The following ZNF804B variants were observed in gnomAD, a reference collection of about 807,000 sequenced individuals.
ZNF804B encodes zinc finger 804B.
In ZNF804B, 80 loss-of-function variants were observed where a neutral mutation model predicts 101.4. The ratio of observed to expected loss-of-function variants is 0.79; its 90% CI spans 0.66 to 0.95. The LOEUF is 0.95. Among genes scored for constraint, ZNF804B ranks in the 40% least tolerant of loss-of-function variants. ZNF804B has a pLI of 0.00. For synonymous variants in ZNF804B, 622 were observed against 558.8 expected (o/e 1.11, Z -1.59); for missense variants, 1,673 against 1,561.9 (o/e 1.07, Z -1.20).
At chr7:89,045,656 C>A (rs574703273) in intron 1 of ZNF804B, among the ~76,000 whole-genome samples, 1 of 152,274 alleles carries the variant, frequency 6.6e-6, no homozygotes, top group East Asian at 1.9e-4. Context: ...GGATTTCAGA[C>A]TTGCATTGAG....
intron 2 of ZNF804B, among the ~76,000 whole-genome samples, chr7:89,236,774 C>T (rs1789289028): frequency 6.6e-6 from 1 of 152,156 alleles, no homozygotes; most frequent in African/African-American, 2.4e-5. Flanking sequence ...TGGCTCATCT[C>T]GCTGTATTCT....
chr7:89,055,962 T>A (rs1789285789), intron 1 of ZNF804B, among the ~76,000 whole-genome samples: 1 of 152,076 alleles, frequency 6.6e-6, no homozygotes, highest in South Asian at 2.1e-4. Context: ...TTTGATGAGA[T>A]CACTTAGGGT....
At chr7:88,798,758 T>C (rs1790531614) in intron 1 of ZNF804B, among the ~76,000 whole-genome samples, 1 of 152,120 alleles carries the variant, frequency 6.6e-6, no homozygotes, top group African/African-American at 2.4e-5. Context: ...TTGTCTTGTG[T>C]AATTAGAATT....
intron 1 of ZNF804B, among the ~76,000 whole-genome samples, chr7:89,204,105 G>C (rs1452556690): frequency 1.3e-5 from 2 of 152,146 alleles, no homozygotes; most frequent in Non-Finnish European, 2.9e-5. Flanking sequence ...GTTTGTAACT[G>C]AGCAGGTATC....
rs114974598 is a variant in ZNF804B, at chr7:89,153,227, T to G, written c.109-64928T>G. 7.9e-3 allele frequency among the ~76,000 whole-genome samples: 1,197 copies of G among 151,686 alleles called. 12 individuals carry two copies. The highest frequency in any genetic ancestry group is 0.027 in the African/African-American group (1,130 of 41,426). ...AAAAGAATCATGAGGAAAAATGACT[T>G]GAGTTCCAGATTTGAAACCAACAGA... On this transcript the variant is annotated intron_variant, in intron 1 of 3. Transcript: ENST00000333190.
chr7:89,300,744 A>G (rs188600438), intron 2 of ZNF804B, among the ~76,000 whole-genome samples: 1 of 152,072 alleles, frequency 6.6e-6, no homozygotes. Flanking sequence ...CATTCCAAAG[A>G]CCTTGGATTT....
intron 1 of ZNF804B, among the ~76,000 whole-genome samples, chr7:89,093,316 C>A (rs779264129): frequency 6.6e-6 from 1 of 152,190 alleles, no homozygotes; most frequent in Non-Finnish European, 1.5e-5. Context: ...GATGAAACTT[C>A]CATTTCCAAA....
chr7:88,863,761 G>A (rs1425752638), intron 1 of ZNF804B, among the ~76,000 whole-genome samples: 1 of 152,160 alleles, frequency 6.6e-6, no homozygotes, highest in Non-Finnish European at 1.5e-5. Flanking sequence ...AGGAGGGCCA[G>A]GTGGCAGAAC....
At chr7:88,831,537 T>C (rs1791133491) in intron 1 of ZNF804B, among the ~76,000 whole-genome samples, 1 of 151,860 alleles carries the variant, frequency 6.6e-6, no homozygotes, top group Non-Finnish European at 1.5e-5. Flanking sequence ...TGGGCACATT[T>C]TTAAAGCTTT....
chr7:88,785,390 A>C (rs928349967), intron 1 of ZNF804B, among the ~76,000 whole-genome samples: 1 of 152,120 alleles, frequency 6.6e-6, no homozygotes, highest in Admixed American at 6.6e-5. Context: ...GTTTTTGTAC[A>C]GACTTCTATT....
At chr7:89,327,634 G>T (rs953933377) in intron 3 of ZNF804B, among the ~76,000 whole-genome samples, 160 bp downstream of exon 3, 1 of 151,732 alleles carries the variant, frequency 6.6e-6, no homozygotes, top group Admixed American at 6.6e-5. Flanking sequence ...ATAACTTTTG[G>T]CCTTTGATAT....
At chr7:88,938,901 C>A (rs13225118) in intron 1 of ZNF804B, among the ~76,000 whole-genome samples, 1 of 152,016 alleles carries the variant, frequency 6.6e-6, no homozygotes, top group African/African-American at 2.4e-5. Flanking sequence ...GTTAATTAAA[C>A]CTTAAGGAAC....
At chr7:89,277,228 C>A (rs1177991371) in intron 2 of ZNF804B, among the ~76,000 whole-genome samples, 1 of 149,910 alleles carries the variant, frequency 6.7e-6, no homozygotes. Context: ...AGCTAATGCA[C>A]CAATAAACAA....
chr7:89,195,040 C>A (rs1319007165), intron 1 of ZNF804B, among the ~76,000 whole-genome samples: 2 of 151,630 alleles, frequency 1.3e-5, no homozygotes, highest in African/African-American at 2.4e-5. Context: ...TCAATATATG[C>A]AAATCAATAA....
At chr7:88,914,218 A>G (rs563439068) in intron 1 of ZNF804B, among the ~76,000 whole-genome samples, 8 of 152,314 alleles carry the variant, frequency 5.3e-5, no homozygotes, top group African/African-American at 1.7e-4. Flanking sequence ...ATGGAAATGA[A>G]TCTTCTCATG....
intron 1 of ZNF804B, among the ~76,000 whole-genome samples, chr7:88,946,411 G>A (rs566280733): frequency 9.2e-5 from 14 of 152,056 alleles, no homozygotes; most frequent in Non-Finnish European, 2.1e-4. Context: ...ATTTGTGTAT[G>A]TTGAACCAGC....
At chr7:88,931,403 C>G (rs1465713275) in intron 1 of ZNF804B, among the ~76,000 whole-genome samples, 1 of 151,798 alleles carries the variant, frequency 6.6e-6, no homozygotes, top group Non-Finnish European at 1.5e-5. Context: ...GTCAGTTTAA[C>G]TAAAATGCAA....
rs915354267 is a variant in ZNF804B at position 88,917,543 on chromosome 7, T to C, written c.108+157459T>C. On this transcript the variant is annotated intron_variant, in intron 1 of 3. Coordinates refer to ENST00000333190, the MANE Select transcript of ZNF804B (RefSeq NM_181646.5). The stretch of plus-strand genomic sequence containing the variant: ...ATTCAACAGCTTACTCTTTTAAGTA[T>C]GTCTTTGGAATCAGGGGACTGAGAT... 5.3e-5 allele frequency among the ~76,000 whole-genome samples: 8 copies of C among 152,182 alleles called. No individual in the cohort carries two copies. The East Asian group carries it at 5.8e-4, about 11-fold the overall frequency.
chr7:89,278,567 A>G (rs1170941601), intron 2 of ZNF804B, among the ~76,000 whole-genome samples: 3 of 152,032 alleles, frequency 2.0e-5, no homozygotes, highest in Non-Finnish European at 2.9e-5. Context: ...CTTTCTACAT[A>G]TGGCTAGCTA....
Sources: gnomAD v4.1 joint callset for allele counts (sites outside exome capture counted in the v4.1 genomes callset) on GRCh38, gnomAD v4.1.1 for gene constraint, MANE v1.5 for transcripts, NCBI Gene and HGNC (gene_info 2026-07-23, HGNC 2026-07-21) for gene names.